Variants in CCSER1 observed in about 807,000 individuals in gnomAD.
CCSER1 encodes the protein serine-rich coiled-coil domain-containing protein 1.
A neutral mutation model predicts 82.0 loss-of-function variants in CCSER1; 41 were observed. That is an observed-to-expected ratio of 0.50 (90% CI 0.39 to 0.65). The LOEUF (loss-of-function observed/expected upper bound fraction) is 0.65. Among genes scored for constraint, CCSER1 ranks in the 30% least tolerant of loss-of-function variants. The pLI is 0.00. For missense variants in CCSER1, 1,119 were observed against 1,064.2 expected (o/e 1.05, Z -0.72); for synonymous variants, 414 against 383.9 (o/e 1.08, Z -0.92).
At chr4:90,317,947 A>G (rs1430766958) in intron 3 of CCSER1, among the ~76,000 whole-genome samples, 2 of 152,214 alleles carry the variant, frequency 1.3e-5, no homozygotes, top group Admixed American at 1.3e-4. Context: ...CAAGAATAAT[A>G]ATGAGTTTCC....
intron 1 of CCSER1, among the ~76,000 whole-genome samples, chr4:90,213,821 A>T (rs1035069927): frequency 6.6e-6 from 1 of 152,182 alleles, no homozygotes; most frequent in African/African-American, 2.4e-5. Flanking sequence ...CTTGGACAAA[A>T]GCTGCTTCAT....
At chr4:90,199,759 G>GT (rs1311390286) in intron 1 of CCSER1, among the ~76,000 whole-genome samples, 1 of 151,954 alleles carries the variant, frequency 6.6e-6, no homozygotes, top group African/African-American at 2.4e-5. Flanking sequence ...TAGATTTTGT[G>GT]TTTTTTTCAC....
chr4:91,096,730 G>T (rs1561545786), intron 10 of CCSER1, among the ~76,000 whole-genome samples: 1 of 152,090 alleles, frequency 6.6e-6, no homozygotes, highest in African/African-American at 2.4e-5. Context: ...CCAATGGAGT[G>T]GGCTTACATT....
At chr4:90,906,674 C>T (rs948071971) in intron 8 of CCSER1, among the ~76,000 whole-genome samples, 5 of 151,978 alleles carry the variant, frequency 3.3e-5, no homozygotes, top group Non-Finnish European at 5.9e-5. Context: ...TCCTGATCTT[C>T]CTCAATAAAA....
intron 7 of CCSER1, among the ~76,000 whole-genome samples, chr4:90,810,048 A>C (rs986792981): frequency 1.3e-5 from 2 of 152,240 alleles, no homozygotes; most frequent in Non-Finnish European, 2.9e-5. Flanking sequence ...TAAGGGTGCC[A>C]GATTTCAGAG....
At chr4:90,234,418 C>G (rs543098086) in intron 1 of CCSER1, among the ~76,000 whole-genome samples, 12 of 152,054 alleles carry the variant, frequency 7.9e-5, no homozygotes, top group African/African-American at 2.9e-4. Flanking sequence ...GGTTTCACTA[C>G]GTTGGCCAGG....
intron 9 of CCSER1, among the ~76,000 whole-genome samples, chr4:90,962,928 G>A (rs1734188866): frequency 6.6e-6 from 1 of 152,024 alleles, no homozygotes; most frequent in Non-Finnish European, 1.5e-5. Flanking sequence ...AGCCAGAGTA[G>A]CATGAAAGGA....
chr4:90,452,296 G>T (rs957795723), intron 4 of CCSER1, among the ~76,000 whole-genome samples: 1 of 152,178 alleles, frequency 6.6e-6, no homozygotes, highest in African/African-American at 2.4e-5. Context: ...TGGGAGGAAG[G>T]TGGCTGAGTT....
intron 9 of CCSER1, among the ~76,000 whole-genome samples, chr4:91,071,728 A>T (rs1405875795): frequency 6.6e-6 from 1 of 152,120 alleles, no homozygotes; most frequent in Non-Finnish European, 1.5e-5. Flanking sequence ...TTAGTATCTC[A>T]TCAAATAGTT....
intron 9 of CCSER1, among the ~76,000 whole-genome samples, chr4:91,083,096 A>G (rs1722965637): frequency 6.6e-6 from 1 of 152,230 alleles, no homozygotes; most frequent in South Asian, 2.1e-4. Flanking sequence ...ATGCTGCTAT[A>G]AAGACACATG....
intron 8 of CCSER1, among the ~76,000 whole-genome samples, chr4:90,821,035 G>A (rs1004814931): frequency 2.6e-5 from 4 of 152,116 alleles, no homozygotes; most frequent in Admixed American, 6.6e-5. Flanking sequence ...TCCGTGATCA[G>A]TGTGTGTTGG....
At chr4:91,471,052 T>C (rs1757246032) in intron 10 of CCSER1, among the ~76,000 whole-genome samples, 1 of 152,200 alleles carries the variant, frequency 6.6e-6, no homozygotes, top group Admixed American at 6.5e-5. Context: ...GCAAAAAGCC[T>C]ACTTATATAA....
intron 5 of CCSER1, among the ~76,000 whole-genome samples, chr4:90,519,751 T>C (rs1223141996): frequency 6.6e-6 from 1 of 152,032 alleles, no homozygotes; most frequent in African/African-American, 2.4e-5. Flanking sequence ...TACCAGATAC[T>C]GAGGAGTTGT....
At chr4:91,080,661 G>C (rs1225552310) in intron 9 of CCSER1, among the ~76,000 whole-genome samples, 1 of 152,050 alleles carries the variant, frequency 6.6e-6, no homozygotes. Flanking sequence ...AAAATTGATA[G>C]ACCACTAGCA....
chr4:90,152,623 G>C (rs72876108), intron 1 of CCSER1, among the ~76,000 whole-genome samples: 42,994 of 152,030 alleles, frequency 0.28, 7,704 homozygotes, highest in East Asian at 0.65. Context: ...AACATGTGAA[G>C]GAAGGAAAAT....
intron 10 of CCSER1, among the ~76,000 whole-genome samples, chr4:91,422,621 G>A (rs1249580454): frequency 6.6e-6 from 1 of 152,088 alleles, no homozygotes; most frequent in Admixed American, 6.6e-5. Flanking sequence ...AACTAATCAA[G>A]TAATTCTTAG....
chr4:90,621,564 A>G (rs1481593323), intron 5 of CCSER1, among the ~76,000 whole-genome samples: 1 of 151,898 alleles, frequency 6.6e-6, no homozygotes, highest in Non-Finnish European at 1.5e-5. Context: ...ACATATTTAT[A>G]ATGCTGATTA....
chr4:90,291,735 G>A (rs1171650411), intron 1 of CCSER1, among the ~76,000 whole-genome samples: 1 of 151,772 alleles, frequency 6.6e-6, no homozygotes. Flanking sequence ...TAAAGTCAAA[G>A]AACAATATAG....
chr4:91,283,411 T>G (rs1402625097), intron 10 of CCSER1, among the ~76,000 whole-genome samples: 1 of 152,104 alleles, frequency 6.6e-6, no homozygotes, highest in African/African-American at 2.4e-5. Flanking sequence ...GAGCAACTAC[T>G]AATGCACTGC....
Sources: gnomAD v4.1 joint callset for allele counts (sites outside exome capture counted in the v4.1 genomes callset) on GRCh38, gnomAD v4.1.1 for gene constraint, MANE v1.5 for transcripts, NCBI Gene and HGNC (gene_info 2026-07-23, HGNC 2026-07-21) for gene names.